The following CAST variants were observed in gnomAD, a reference collection of about 807,000 sequenced individuals.
The protein encoded by CAST is calpastatin, also known as MIR583 host.
A neutral mutation model predicts 119.6 loss-of-function variants in CAST; 76 were observed. That is an observed-to-expected ratio of 0.64 (90% CI 0.53 to 0.77). The LOEUF (loss-of-function observed/expected upper bound fraction) is 0.77, where lower values mean the gene tolerates loss of function less well. Ranked by LOEUF, CAST falls within the 30% of genes least tolerant of loss-of-function variation. The pLI, the probability that CAST is intolerant of heterozygous loss-of-function variation, is 0.00. For synonymous variants in CAST, 319 were observed against 331.6 expected (o/e 0.96, Z 0.41); for missense variants, 953 against 946.5 (o/e 1.01, Z -0.09).
At chr5:96,712,189 G>T (rs1756305518) in intron 3 of CAST, among the ~76,000 whole-genome samples, 1 of 152,150 alleles carries the variant, frequency 6.6e-6, no homozygotes, top group Non-Finnish European at 1.5e-5. Context: ...TAATGCAGTG[G>T]AATGTATCAT....
chr5:96,292,287 G>A, the CAST span, among the ~76,000 whole-genome samples: 5 of 152,164 alleles, frequency 3.3e-5, no homozygotes, highest in Admixed American at 6.5e-5. Context: ...TGGAAAACCC[G>A]TAACATCCAT....
chr5:96,078,105 GGAGA>G, the CAST span, among the ~76,000 whole-genome samples: 1 of 152,128 alleles, frequency 6.6e-6, no homozygotes, highest in Non-Finnish European at 1.5e-5. Context: ...CATGGCAGAG[GGAGA>G]GAGAGCACAA....
intron 9 of CAST, among the ~76,000 whole-genome samples, chr5:96,735,554 A>G (rs1761454780): frequency 6.6e-6 from 1 of 152,248 alleles, no homozygotes; most frequent in Non-Finnish European, 1.5e-5. Flanking sequence ...AACAAAGGGC[A>G]TAGATGCCAC....
At chr5:96,163,837 T>C in the CAST span, among the ~76,000 whole-genome samples, 1 of 152,216 alleles carries the variant, frequency 6.6e-6, no homozygotes, top group Non-Finnish European at 1.5e-5. Context: ...GTTGCGAGGA[T>C]CAGATGTAAC....
the CAST span, among the ~76,000 whole-genome samples, chr5:96,106,516 C>T: frequency 6.6e-6 from 1 of 151,504 alleles, no homozygotes; most frequent in African/African-American, 2.4e-5. Context: ...GTTCAGTTTC[C>T]ATGTAGTTGA....
At chr5:96,497,372 A>C in the CAST span, among the ~76,000 whole-genome samples, 1 of 152,138 alleles carries the variant, frequency 6.6e-6, no homozygotes, top group Non-Finnish European at 1.5e-5. Flanking sequence ...TTGGGTATAT[A>C]CCCAGTAATG....
chr5:96,628,207 A>G (rs1471488203), intron 1 of CAST, among the ~76,000 whole-genome samples: 1 of 152,252 alleles, frequency 6.6e-6, no homozygotes, highest in Non-Finnish European at 1.5e-5. Flanking sequence ...ATAACTTATT[A>G]AAAATGCCCT....
the CAST span, among the ~76,000 whole-genome samples, chr5:96,446,493 C>A: frequency 1.3e-5 from 2 of 152,254 alleles, no homozygotes; most frequent in Admixed American, 6.5e-5. Flanking sequence ...ACCAGGGTTC[C>A]CCAAGCTCCT....
chr5:96,071,924 C>T, the CAST span, among the ~76,000 whole-genome samples: 6 of 151,920 alleles, frequency 3.9e-5, no homozygotes, highest in South Asian at 2.1e-4. Flanking sequence ...TGAAGCTGAC[C>T]GGTACATGGG....
chr5:96,452,961 A>AAAG, the CAST span, among the ~76,000 whole-genome samples: 1 of 147,746 alleles, frequency 6.8e-6, no homozygotes, highest in African/African-American at 2.6e-5. Context: ...CGTCTCAAAA[A>AAAG]AAAAAAAAAA....
At chr5:96,392,922 A>T in the CAST span, 1 of 1,425,412 alleles carries the variant, frequency 7.0e-7, no homozygotes, top group South Asian at 1.2e-5. Flanking sequence ...TCATGACAAA[A>T]CAACCACTTC....
At chr5:96,191,008 G>A in the CAST span, among the ~76,000 whole-genome samples, 1 of 152,082 alleles carries the variant, frequency 6.6e-6, no homozygotes, top group African/African-American at 2.4e-5. Flanking sequence ...GTATTAATTC[G>A]CTTAGGATAA....
At chr5:96,623,510 T>A (rs1232659382) in intron 1 of CAST, among the ~76,000 whole-genome samples, 1 of 151,880 alleles carries the variant, frequency 6.6e-6, no homozygotes, top group African/African-American at 2.4e-5. Context: ...AAGGGGAGAG[T>A]GAAGATTATG....
At chr5:96,403,278 A>G in the CAST span, among the ~76,000 whole-genome samples, 1 of 152,042 alleles carries the variant, frequency 6.6e-6, no homozygotes, top group Admixed American at 6.6e-5. Flanking sequence ...TTTTATTATT[A>G]TTATACTTTA....
chr5:96,302,763 A>G, the CAST span, among the ~76,000 whole-genome samples: 24 of 152,352 alleles, frequency 1.6e-4, no homozygotes, highest in African/African-American at 5.3e-4. Flanking sequence ...TCTTATCTGC[A>G]TCTGAGACCA....
intron 3 of CAST, 129 bp downstream of exon 3, chr5:96,696,036 C>T (rs1753251893): frequency 6.1e-6 from 3 of 495,784 alleles, no homozygotes; most frequent in South Asian, 7.8e-5. Context: ...AGTATCATTT[C>T]TGTGCTAGAA....
the CAST span, among the ~76,000 whole-genome samples, chr5:96,117,162 T>A: frequency 1.3e-5 from 2 of 151,740 alleles, no homozygotes; most frequent in Admixed American, 1.3e-4. Flanking sequence ...AACTTCATTT[T>A]ACCTATTTTT....
the CAST span, chr5:96,429,131 A>G: frequency 1.3e-6 from 1 of 779,950 alleles, no homozygotes; most frequent in Non-Finnish European, 2.2e-6. Context: ...CACATTTGCA[A>G]AATGCTTCTG....
intron 2 of CAST, among the ~76,000 whole-genome samples, chr5:96,686,043 C>T (rs1186530112): frequency 6.6e-6 from 1 of 152,100 alleles, no homozygotes; most frequent in Non-Finnish European, 1.5e-5. Flanking sequence ...CAGTAGAGCA[C>T]ACTAAGAGAG....
Sources: gnomAD v4.1 joint callset for allele counts (sites outside exome capture counted in the v4.1 genomes callset) on GRCh38, gnomAD v4.1.1 for gene constraint, MANE v1.5 for transcripts, NCBI Gene and HGNC (gene_info 2026-07-23, HGNC 2026-07-21) for gene names.